CLIC6: variants seen among roughly 807,000 people sequenced by gnomAD.
CLIC6 encodes chloride intracellular channel protein 6.
A neutral mutation model predicts 49.2 loss-of-function variants in CLIC6; 39 were observed. The ratio of observed to expected loss-of-function variants is 0.79; its 90% CI spans 0.61 to 1.04. The LOEUF is 1.04. Among genes scored for constraint, CLIC6 ranks in the 50% least tolerant of loss-of-function variants. The pLI, the probability that CLIC6 is intolerant of heterozygous loss-of-function variation, is 0.00. For missense variants in CLIC6, 988 were observed against 993.1 expected, an observed-to-expected ratio of 0.99 and a Z score of 0.07; for synonymous variants, 446 against 433.4, an observed-to-expected ratio of 1.03 and a Z score of -0.36.
chr21:34,717,769 G>T lies in CLIC6; in HGVS notation c.*1287G>T, dbSNP rs1224341898. 1 of 152,174 alleles carries T rather than the reference G, an allele frequency of 6.6e-6. No homozygotes were observed. The highest frequency in any genetic ancestry group is 1.5e-5 in the Non-Finnish European group (1 of 68,028). The allele number at this position is 152,174 out of a possible 1,614,324, so 9.4% of individuals were successfully genotyped here. ...TACAGAAAACCCTCCTTGTAGAGTT[G>T]GTTGTGGTATGTGTTTGATGCTATA... On this transcript the variant is annotated 3_prime_UTR_variant, in exon 6 of 6. Coordinates refer to ENST00000349499, the MANE Select transcript of CLIC6 (RefSeq NM_053277.3).
At chr21:34,696,292 G>T (rs1287511595) in intron 1 of CLIC6, among the ~76,000 whole-genome samples, 1 of 152,172 alleles carries the variant, frequency 6.6e-6, no homozygotes, top group Non-Finnish European at 1.5e-5. Flanking sequence ...CCTCAACCCA[G>T]CTCCATTTTC....
At chr21:34,693,321 C>T (rs963182871) in intron 1 of CLIC6, among the ~76,000 whole-genome samples, 1 of 152,178 alleles carries the variant, frequency 6.6e-6, no homozygotes. Flanking sequence ...TTTAGTCCCC[C>T]ACTAGGGGCT....
intron 1 of CLIC6, among the ~76,000 whole-genome samples, chr21:34,706,277 C>G (rs753568408): frequency 1.3e-5 from 2 of 152,142 alleles, no homozygotes; most frequent in Non-Finnish European, 2.9e-5. Flanking sequence ...TACTTTTCAA[C>G]AGCTCAATCT....
At chr21:34,709,259 C>A in intron 4 of CLIC6, 98 bp from the exon 5 acceptor site, 1 of 1,057,294 alleles carries the variant, frequency 9.5e-7, no homozygotes, top group Non-Finnish European at 1.4e-6. Context: ...TTGCTGGCCA[C>A]ATCTCAGCGA....
chr21:34,714,261 A>G (rs1322412428), intron 5 of CLIC6, among the ~76,000 whole-genome samples: 1 of 152,266 alleles, frequency 6.6e-6, no homozygotes, highest in Non-Finnish European at 1.5e-5. Context: ...TACGGACAGA[A>G]TAGAGTCAGA....
At chr21:34,708,115 C>T (rs775066728) in intron 3 of CLIC6, 46 bp downstream of exon 3, 2 of 1,609,352 alleles carry the variant, frequency 1.2e-6, no homozygotes, top group Admixed American at 3.3e-5. Context: ...GTCACTTTCC[C>T]CCACTAGTAG....
intron 1 of CLIC6, among the ~76,000 whole-genome samples, chr21:34,699,953 G>C (rs1386660904): frequency 1.3e-5 from 2 of 152,086 alleles, no homozygotes; most frequent in Non-Finnish European, 2.9e-5. Context: ...GTTTACATAG[G>C]GCAGGAAGAA....
chr21:34,669,601 C>G lies in CLIC6; in HGVS notation c.213C>G (p.Ala71=), dbSNP rs775578468. The change falls in exon 1 of 6, where the codon GCC becomes GCG. Residue 71 remains alanine (A), a synonymous_variant. Transcript: ENST00000349499. ...GCGGGCCAGACAGGGGCCCGGAGGCCGAGGCGCGGGGCACGAGGGGGGCGC... is the reference window on the plus strand; with the variant it reads ...GCGGGCCAGACAGGGGCCCGGAGGCGGAGGCGCGGGGCACGAGGGGGGCGC... ...GGGGPDRGPE[A]EARGTRGAHG... The G allele has an allele frequency of 7.9e-7, 1 of 1,269,130 alleles. No homozygotes were observed. The allele number at this position is 1,269,130 out of a possible 1,614,324, so 78.6% of individuals were successfully genotyped here. A position where few individuals can be genotyped will look rare whatever the true frequency, so the allele number is the denominator to read the frequency against.
chr21:34,671,184 A>G (rs1456796362), intron 1 of CLIC6, among the ~76,000 whole-genome samples: 1 of 151,160 alleles, frequency 6.6e-6, no homozygotes, highest in Non-Finnish European at 1.5e-5. Flanking sequence ...TGGTGTTCAA[A>G]GGGATTTCTG....
chr21:34,682,377 G>T (rs1026589088), intron 1 of CLIC6, among the ~76,000 whole-genome samples: 1 of 152,010 alleles, frequency 6.6e-6, no homozygotes, highest in African/African-American at 2.4e-5. Context: ...CATGTAATTT[G>T]CATTTCTTTT....
rs192051474 is a variant in CLIC6 at position 34,669,859 on chromosome 21, G to A, written c.471G>A (p.Gly157=). Residue 157 remains glycine, a synonymous_variant, in exon 1 of 6, where the codon GGG becomes GGA. Transcript: ENST00000349499. ...VPEGSASGEA[G]DSVDAEGPLG... is the part of the protein sequence containing the mutation. ...AAGGTAGCGCGTCCGGGGAGGCGGG[G>A]GACAGCGTAGACGCGGAGGGCCCGC... 905 of 1,408,744 alleles carry A rather than the reference G, an allele frequency of 6.4e-4. 4 individuals carry two copies. In the African/African-American group the frequency reaches 0.01, roughly 16 times the overall value. 87.3% of individuals were successfully genotyped at this position (1,408,744 alleles called of 1,614,324 possible). A position where few individuals can be genotyped will look rare whatever the true frequency, so the allele number is the denominator to read the frequency against.
chr21:34,708,664 A>C, intron 3 of CLIC6, 36 bp from the exon 4 acceptor site: 1 of 1,402,974 alleles, frequency 7.1e-7, no homozygotes. Context: ...CTAAAACATC[A>C]CTTGTCTGTG....
chr21:34,692,653 G>C (rs1411990407), intron 1 of CLIC6, among the ~76,000 whole-genome samples: 2 of 152,206 alleles, frequency 1.3e-5, no homozygotes, highest in Non-Finnish European at 2.9e-5. Flanking sequence ...CTGCAGAGAA[G>C]TTTCATATAT....
In CLIC6 at chr21:34,669,021, G is replaced by C. The variant is rs1014949078; in HGVS notation, c.-368G>C. Among the ~76,000 whole-genome samples the C allele has an allele frequency of 1.6e-4, 24 of 152,204 alleles. No individual in the cohort carries two copies. Among genetic ancestry groups the C allele is most frequent in the Non-Finnish European group, 3.2e-4 (22 of 68,046 alleles). Reference sequence around the variant, plus strand: ...CCCCAGGACAGCGGACAGCGGGCCGGGCACTTCCAAAGGCGCAGGAGCGAA... The same window carrying C: ...CCCCAGGACAGCGGACAGCGGGCCGCGCACTTCCAAAGGCGCAGGAGCGAA... On this transcript the variant is annotated 5_prime_UTR_variant, in exon 1 of 6. Transcript: ENST00000349499.
In CLIC6 at chr21:34,708,703, T is replaced by C; in HGVS notation, c.1614T>C (p.Tyr538=). 6.2e-7 allele frequency: 1 copy of C among 1,612,774 alleles called. No homozygotes were observed. Among genetic ancestry groups the C allele is most frequent in the South Asian group, 1.1e-5 (1 of 91,038 alleles). Residue 538 remains tyrosine, a synonymous_variant, in exon 4 of 6, where the codon TAT becomes TAC. Coordinates refer to ENST00000349499, the MANE Select transcript of CLIC6 (RefSeq NM_053277.3). ...CTCCAATTTTGAACTTTTCAAGGTA[T>C]CCCAAGCTGGGGACCCAACATCCCG... ...FLEEKLAPPR[Y]PKLGTQHPES...
In CLIC6 at chr21:34,679,812, G is replaced by A. The variant is rs115489695; in HGVS notation, c.1374+9050G>A. Among the ~76,000 whole-genome samples, 510 of 69,778 alleles carry A rather than the reference G, an allele frequency of 7.3e-3. 1 individual carries two copies. The highest frequency in any genetic ancestry group is 0.029 in the African/African-American group (476 of 16,354). 45.8% of individuals were successfully genotyped at this position (69,778 alleles called of 152,430 possible). On this transcript the variant is annotated intron_variant, in intron 1 of 5. Coordinates refer to ENST00000349499, the MANE Select transcript of CLIC6 (RefSeq NM_053277.3). ...CCCATGTCTCAATCCAAGTCACACTGATGCATGAGGTGGGCCCCCATGTGG... is the reference window on the plus strand; with the variant it reads ...CCCATGTCTCAATCCAAGTCACACTAATGCATGAGGTGGGCCCCCATGTGG...
At chr21:34,709,891 CA>C (rs1450246161) in intron 5 of CLIC6, among the ~76,000 whole-genome samples, 2 of 152,182 alleles carry the variant, frequency 1.3e-5, no homozygotes, top group Non-Finnish European at 2.9e-5. Context: ...TGGGGCTATT[CA>C]AATGTGAACG....
chr21:34,704,003 C>T (rs1419135177), intron 1 of CLIC6, among the ~76,000 whole-genome samples: 1 of 152,170 alleles, frequency 6.6e-6, no homozygotes, highest in Non-Finnish European at 1.5e-5. Context: ...TTGATTTGAT[C>T]AGAAATGTAT....
At chr21:34,695,707 G>A (rs146234749) in intron 1 of CLIC6, among the ~76,000 whole-genome samples, 108 of 152,356 alleles carry the variant, frequency 7.1e-4, no homozygotes, top group African/African-American at 2.5e-3. Flanking sequence ...TTTCCTACAT[G>A]AGGAAGTGGC....
Sources: allele counts gnomAD v4.1 joint callset (sites outside exome capture counted in the v4.1 genomes callset), GRCh38; gene constraint gnomAD v4.1.1; transcripts MANE v1.5; gene names NCBI Gene and HGNC (gene_info 2026-07-23, HGNC 2026-07-21).